SVEP1: variants seen among roughly 807,000 people sequenced by gnomAD.
SVEP1 encodes sushi, von Willebrand factor type A, EGF and pentraxin domain containing 1, also known as sushi, von Willebrand factor type A, EGF and pentraxin domain-containing protein 1.
Under a neutral mutation model 367.3 loss-of-function variants are expected in SVEP1, and 164 were observed. The observed-to-expected ratio is 0.45, with a 90% confidence interval of 0.39 to 0.51. SVEP1 has a LOEUF of 0.51. Ranked by LOEUF, SVEP1 falls within the 20% of genes least tolerant of loss-of-function variation. SVEP1 has a pLI of 0.00. For synonymous variants in SVEP1, 1,666 were observed against 1,611.6 expected (o/e 1.03, Z -0.81); for missense variants, 4,117 against 4,425.3 (o/e 0.93, Z 1.98).
intron 3 of SVEP1, among the ~76,000 whole-genome samples, chr9:110,519,900 A>G (rs976097060): frequency 5.9e-5 from 9 of 152,136 alleles, no homozygotes; most frequent in Non-Finnish European, 8.8e-5. Flanking sequence ...TACAGAAGTT[A>G]CAAGTAAGGA....
intron 1 of SVEP1, 80 bp downstream of exon 1, chr9:110,578,933 C>T (rs1048996045): frequency 3.4e-5 from 51 of 1,486,804 alleles, no homozygotes; most frequent in Non-Finnish European, 4.5e-5. Context: ...GGACTGAACC[C>T]CGGGATAGAG....
At chr9:110,503,697 C>T (rs1041678051) in intron 5 of SVEP1, among the ~76,000 whole-genome samples, 3 of 152,244 alleles carry the variant, frequency 2.0e-5, no homozygotes, top group Non-Finnish European at 4.4e-5. Flanking sequence ...TGCAAAGCTA[C>T]CCAACTTCTG....
chr9:110,429,382 C>A, intron 34 of SVEP1, 48 bp from the exon 35 acceptor site: 2 of 1,360,052 alleles, frequency 1.5e-6, no homozygotes, highest in South Asian at 1.8e-5. Context: ...CTTTATTTTG[C>A]ATGCCGTTAT....
chr9:110,454,523 T>C (rs554939805), intron 22 of SVEP1, among the ~76,000 whole-genome samples: 1 of 152,308 alleles, frequency 6.6e-6, no homozygotes, highest in South Asian at 2.1e-4. Context: ...TTCATCCCAG[T>C]GCTATTTACA....
At chr9:110,432,760 G>C (rs977549872) in intron 30 of SVEP1, 125 bp from the exon 31 acceptor site, 8 of 1,087,696 alleles carry the variant, frequency 7.4e-6, no homozygotes, top group Non-Finnish European at 9.1e-6. Flanking sequence ...ATCAGACTGA[G>C]GGTGTCCTAG....
At chr9:110,425,620 T>A (rs911256060) in intron 36 of SVEP1, among the ~76,000 whole-genome samples, 1 of 152,220 alleles carries the variant, frequency 6.6e-6, no homozygotes, top group Non-Finnish European at 1.5e-5. Context: ...AAAATCCTCT[T>A]CAAATGAATA....
intron 36 of SVEP1, among the ~76,000 whole-genome samples, chr9:110,413,798 A>T (rs1828079525): frequency 1.3e-5 from 2 of 151,990 alleles, no homozygotes; most frequent in Non-Finnish European, 2.9e-5. Flanking sequence ...CTCTTACTGA[A>T]CAGAAAATTG....
chr9:110,531,425 G>T (rs1564169114), intron 3 of SVEP1, among the ~76,000 whole-genome samples: 1 of 152,076 alleles, frequency 6.6e-6, no homozygotes, highest in Non-Finnish European at 1.5e-5. Context: ...AATCCTGGGG[G>T]CAGTTACCCT....
chr9:110,399,462 C>T (rs909400121), intron 40 of SVEP1, among the ~76,000 whole-genome samples: 17 of 151,936 alleles, frequency 1.1e-4, no homozygotes, highest in African/African-American at 4.1e-4. Context: ...ACATTGTGCA[C>T]ATGTACCCTA....
At chr9:110,549,157 A>G (rs1423841623) in intron 2 of SVEP1, among the ~76,000 whole-genome samples, 1 of 152,068 alleles carries the variant, frequency 6.6e-6, no homozygotes, top group Non-Finnish European at 1.5e-5. Flanking sequence ...CCTAGTCTGT[A>G]TTTTCTTCTC....
In SVEP1 at chr9:110,457,293, C is replaced by T; in HGVS notation, c.3636G>A (p.Gly1212=). ...CHNSGTCQQL[G]RGYVCLCPLG... is the part of the protein sequence containing the mutation. ...GTGGACAGAGACAAACATAACCACG[C>T]CCAAGTTGCTGGCAGGTTCCACTAT... The change falls in exon 21 of 48, where the codon GGG becomes GGA. Residue 1212 remains glycine, a synonymous_variant. Transcript: ENST00000374469. The T allele has an allele frequency of 6.2e-7, 1 of 1,612,712 alleles. No individual in the cohort carries two copies.
chr9:110,388,774 G>A (rs1001282256), intron 41 of SVEP1, among the ~76,000 whole-genome samples: 1 of 152,034 alleles, frequency 6.6e-6, no homozygotes, highest in Admixed American at 6.6e-5. Context: ...TTCGAGACCA[G>A]CCAGGCCAAC....
chr9:110,389,484 C>T, intron 41 of SVEP1, 40 bp downstream of exon 41: 2 of 1,606,414 alleles, frequency 1.2e-6, no homozygotes, highest in South Asian at 1.1e-5. Context: ...TTTGTGTCCT[C>T]AGTGTCATTT....
intron 43 of SVEP1, 130 bp from the exon 44 acceptor site, chr9:110,379,647 G>A: frequency 1.1e-6 from 1 of 909,062 alleles, no homozygotes; most frequent in Non-Finnish European, 1.6e-6. Context: ...TACTTATCTA[G>A]AATAGTAAGA....
chr9:110,545,639 G>A (rs1336654443), intron 3 of SVEP1, among the ~76,000 whole-genome samples: 2 of 152,148 alleles, frequency 1.3e-5, no homozygotes, highest in East Asian at 1.9e-4. Flanking sequence ...AGAGATTGAG[G>A]CACATTTTGG....
chr9:110,388,331 T>C (rs1280597359), intron 41 of SVEP1, among the ~76,000 whole-genome samples: 1 of 152,132 alleles, frequency 6.6e-6, no homozygotes, highest in Non-Finnish European at 1.5e-5. Context: ...GAAAATAGGA[T>C]CACCCTTTCA....
intron 36 of SVEP1, among the ~76,000 whole-genome samples, chr9:110,426,432 C>G (rs1828254222): frequency 6.6e-6 from 1 of 151,926 alleles, no homozygotes. Context: ...TCACAATATC[C>G]ATAAGTATGA....
intron 17 of SVEP1, among the ~76,000 whole-genome samples, chr9:110,466,624 A>G (rs1174687978): frequency 1.3e-5 from 2 of 150,206 alleles, no homozygotes; most frequent in Non-Finnish European, 1.5e-5. Context: ...AGCCGGGCGT[A>G]GTGGCGGGCG....
intron 11 of SVEP1, 57 bp from the exon 12 acceptor site, chr9:110,481,493 T>G: frequency 7.8e-7 from 1 of 1,287,110 alleles, no homozygotes; most frequent in Non-Finnish European, 1.0e-6. Flanking sequence ...ATAAATTAAA[T>G]TCCAGGAGCT....
Sources: allele counts gnomAD v4.1 joint callset (sites outside exome capture counted in the v4.1 genomes callset), GRCh38; gene constraint gnomAD v4.1.1; transcripts MANE v1.5; gene names NCBI Gene and HGNC (gene_info 2026-07-23, HGNC 2026-07-21).